The following EGFLAM variants were observed in gnomAD, a reference collection of about 807,000 sequenced individuals.
EGFLAM encodes the protein EGF like, fibronectin type III and laminin G domains.
A neutral mutation model predicts 113.1 loss-of-function variants in EGFLAM; 79 were observed. The ratio of observed to expected loss-of-function variants is 0.70; its 90% confidence interval spans 0.58 to 0.84. The LOEUF (loss-of-function observed/expected upper bound fraction) is 0.84, where lower values mean the gene tolerates loss of function less well. Among genes scored for constraint, EGFLAM ranks in the 40% least tolerant of loss-of-function variants. The pLI is 0.00. For synonymous variants in EGFLAM, 504 were observed against 487.6 expected (o/e 1.03, Z -0.44); for missense variants, 1,265 against 1,291.6 (o/e 0.98, Z 0.32).
intron 12 of EGFLAM, among the ~76,000 whole-genome samples, chr5:38,421,322 C>T (rs1164954839): frequency 6.6e-6 from 1 of 152,162 alleles, no homozygotes; most frequent in Non-Finnish European, 1.5e-5. Flanking sequence ...TTCTCTGGTC[C>T]AGCTCTTGAT....
intron 6 of EGFLAM, chr5:38,403,730 G>A (rs986788094): frequency 8.0e-6 from 12 of 1,508,404 alleles, no homozygotes; most frequent in Non-Finnish European, 8.0e-6. Context: ...GGTTGATCGA[G>A]GGTAAATGAA....
intron 10 of EGFLAM, among the ~76,000 whole-genome samples, chr5:38,411,321 A>G (rs1175497475): frequency 1.3e-5 from 2 of 151,900 alleles, no homozygotes; most frequent in African/African-American, 4.8e-5. Context: ...CCAGCTACTC[A>G]GGAGGCTGAG....
intron 13 of EGFLAM, among the ~76,000 whole-genome samples, chr5:38,425,949 A>G (rs1035821330): frequency 7.9e-5 from 12 of 152,154 alleles, no homozygotes; most frequent in Admixed American, 7.9e-4. Flanking sequence ...CTAAAAATAC[A>G]AAAATTAGCT....
chr5:38,384,817 G>C (rs1740613923), intron 6 of EGFLAM, among the ~76,000 whole-genome samples: 1 of 151,898 alleles, frequency 6.6e-6, no homozygotes, highest in African/African-American at 2.4e-5. Context: ...AAAAGTATTT[G>C]GGGGCACAAT....
chr5:38,338,719 G>T lies in EGFLAM; in HGVS notation c.229G>T (p.Ala77Ser), dbSNP rs201545200. The T allele has an allele frequency of 6.2e-7, 1 of 1,614,184 alleles. No homozygotes were observed. ...GYTVFYSEVGADKSLQEQLHS... is the reference protein window; with the variant it reads ...GYTVFYSEVGSDKSLQEQLHS... Reference sequence around the variant, plus strand: ...CAAGGTCTTTTACTCTGAGGTTGGCGCAGATAAATCCCTGCAGGAGCAGTT... The same window carrying T: ...CAAGGTCTTTTACTCTGAGGTTGGCTCAGATAAATCCCTGCAGGAGCAGTT... The change falls in exon 3 of 22, where the codon GCA (alanine) becomes TCA (serine). Residue 77 changes from alanine (A) to serine (S), a missense_variant. By Grantham distance (99) the Ala-to-Ser change is moderately conservative. Coordinates refer to ENST00000322350, the MANE Select transcript of EGFLAM (RefSeq NM_152403.4).
chr5:38,398,495 C>T (rs1741019701), intron 6 of EGFLAM, among the ~76,000 whole-genome samples: 1 of 152,162 alleles, frequency 6.6e-6, no homozygotes, highest in Non-Finnish European at 1.5e-5. Context: ...ACAGGGAAGA[C>T]ATCCCTAAGA....
chr5:38,428,757 C>A (rs901838346), intron 14 of EGFLAM, among the ~76,000 whole-genome samples: 3 of 152,192 alleles, frequency 2.0e-5, no homozygotes, highest in Non-Finnish European at 4.4e-5. Flanking sequence ...TCCAGCATTT[C>A]TCTCTTTCAT....
rs564299440 is a variant in EGFLAM, at chr5:38,375,603, G to A, written c.712+5141G>A. 3.3e-5 allele frequency among the ~76,000 whole-genome samples: 5 copies of A among 152,348 alleles called. No homozygotes were observed. The East Asian group carries it at 9.7e-4, about 29-fold the overall frequency. On this transcript the variant is annotated intron_variant, in intron 6 of 21. Coordinates refer to ENST00000322350, the MANE Select transcript of EGFLAM (RefSeq NM_152403.4). The stretch of plus-strand genomic sequence containing the variant: ...CACTTCAGCCCTACTAACTGGGGAA[G>A]CTTTCACTTCCCACTGGGCCTATTA...
At chr5:38,405,679 C>T (rs1162872254) in intron 6 of EGFLAM, among the ~76,000 whole-genome samples, 1 of 152,142 alleles carries the variant, frequency 6.6e-6, no homozygotes, top group African/African-American at 2.4e-5. Flanking sequence ...CTGTTTTGAA[C>T]ACGCCTTTTG....
chr5:38,355,462 G>A (rs1405241956), intron 5 of EGFLAM, among the ~76,000 whole-genome samples: 1 of 152,156 alleles, frequency 6.6e-6, no homozygotes, highest in Non-Finnish European at 1.5e-5. Flanking sequence ...CACAGCTGCT[G>A]CTGAAATCAG....
At chr5:38,408,977 ATG>A (rs1741381793) in intron 9 of EGFLAM, 25 bp from the exon 10 acceptor site, 3 of 1,554,800 alleles carry the variant, frequency 1.9e-6, no homozygotes, top group Non-Finnish European at 2.6e-6. Flanking sequence ...CTTACTGTTC[ATG>A]TGGCTTTTGT....
chr5:38,352,258 G>C lies in EGFLAM; in HGVS notation c.472G>C (p.Val158Leu). 1 of 1,614,120 alleles carries C rather than the reference G, an allele frequency of 6.2e-7. No homozygotes were observed. The highest frequency in any genetic ancestry group is 2.2e-5 in the East Asian group (1 of 44,878). ...TGTCATTGTGGTTTCGGATTCTGAG[G>C]TGGCCCTGTCTTGGAAACCTGGAGC... ...PHVIVVSDSE[V>L]ALSWKPGASE... is the part of the protein sequence containing the mutation. The change falls in exon 5 of 22, where the codon GTG (valine) becomes CTG (leucine). Residue 158 changes from valine to leucine, a missense_variant. By Grantham distance (32) the Val-to-Leu change is conservative. Transcript: ENST00000322350.
intron 6 of EGFLAM, among the ~76,000 whole-genome samples, chr5:38,380,116 A>G (rs143945875): frequency 6.6e-6 from 1 of 152,330 alleles, no homozygotes; most frequent in African/African-American, 2.4e-5. Context: ...TTATTCTTAA[A>G]CTTTTTCCCC....
intron 1 of EGFLAM, among the ~76,000 whole-genome samples, chr5:38,276,135 T>C (rs1178373601): frequency 1.3e-5 from 2 of 152,160 alleles, no homozygotes; most frequent in Non-Finnish European, 2.9e-5. Flanking sequence ...AGTCATGTAT[T>C]ATATGGATGG....
At chr5:38,267,930 A>G (rs1041584813) in intron 1 of EGFLAM, among the ~76,000 whole-genome samples, 2 of 152,212 alleles carry the variant, frequency 1.3e-5, no homozygotes, top group Admixed American at 1.3e-4. Context: ...TTAACTAGAA[A>G]GATTATTCAT....
chr5:38,363,221 G>A (rs1288157904), intron 5 of EGFLAM, among the ~76,000 whole-genome samples: 1 of 151,966 alleles, frequency 6.6e-6, no homozygotes, highest in Non-Finnish European at 1.5e-5. Context: ...TGACTGATTC[G>A]GAGGCTCTTC....
intron 11 of EGFLAM, 85 bp downstream of exon 11, chr5:38,412,733 C>A: frequency 2.7e-6 from 4 of 1,507,950 alleles, no homozygotes; most frequent in Non-Finnish European, 1.8e-6. Flanking sequence ...AGAGCCGTGG[C>A]AGAGTCTGCA....
chr5:38,335,448 C>T (rs1238297407), intron 1 of EGFLAM, among the ~76,000 whole-genome samples: 1 of 152,176 alleles, frequency 6.6e-6, no homozygotes, highest in Non-Finnish European at 1.5e-5. Flanking sequence ...GGGGTTCCTT[C>T]TTTACTGTGG....
chr5:38,306,712 C>A (rs948824212), intron 1 of EGFLAM, among the ~76,000 whole-genome samples: 1 of 152,148 alleles, frequency 6.6e-6, no homozygotes, highest in East Asian at 1.9e-4. Context: ...CTGTGGGTAT[C>A]CACACACTTC....
Sources: allele counts gnomAD v4.1 joint callset (sites outside exome capture counted in the v4.1 genomes callset), GRCh38; gene constraint gnomAD v4.1.1; transcripts MANE v1.5; gene names NCBI Gene and HGNC (gene_info 2026-07-23, HGNC 2026-07-21).